RGSL1: variants seen among roughly 807,000 people sequenced by gnomAD.
The protein encoded by RGSL1 is regulator of G protein signaling like 1.
In RGSL1, 97 loss-of-function variants were observed where a neutral mutation model predicts 124.7. That is an observed-to-expected ratio of 0.78 (90% CI 0.66 to 0.92). The LOEUF is 0.92. Among genes scored for constraint, RGSL1 ranks in the 40% least tolerant of loss-of-function variants. The pLI, the probability that RGSL1 is intolerant of heterozygous loss-of-function variation, is 0.00. For missense variants in RGSL1, 1,233 were observed against 1,288.4 expected (o/e 0.96, Z 0.66); for synonymous variants, 424 against 438.1 (o/e 0.97, Z 0.40).
intron 10 of RGSL1, among the ~76,000 whole-genome samples, chr1:182,526,235 A>G (rs938634554): frequency 3.3e-5 from 5 of 152,226 alleles, no homozygotes; most frequent in Admixed American, 1.3e-4. Context: ...AACTTATTCT[A>G]TGAGGCCAGT....
Position 182,474,498 on chromosome 1 carries a change from G to T in RGSL1, c.1387G>T (p.Asp463Tyr), listed in dbSNP as rs761874156. ...CCTGAAGGAACTATTGCCCTCTGGG[G>T]ATGTGATCCCCTGGATTCCCAAAGC... ...QGLKELLPSG[D>Y]VIPWIPKAQK... The change falls in exon 6 of 22, where the codon GAT becomes TAT. Residue 463 changes from aspartate (D) to tyrosine (Y), a missense_variant. By Grantham distance (160) the Asp-to-Tyr change is radical. Transcript: ENST00000294854. The T allele has an allele frequency of 5.1e-5, 79 of 1,549,918 alleles. No individual in the cohort carries two copies. Among genetic ancestry groups the T allele is most frequent in the Non-Finnish European group, 6.5e-5 (74 of 1,145,656 alleles).
chr1:182,516,422 T>A (rs765341464), intron 9 of RGSL1, among the ~76,000 whole-genome samples: 1 of 152,228 alleles, frequency 6.6e-6, no homozygotes, highest in Non-Finnish European at 1.5e-5. Flanking sequence ...CACCTTTTAA[T>A]TGCAGGATTG....
chr1:182,448,210 G>A (rs911543534), upstream of RGSL1: 2 of 151,312 alleles, frequency 1.3e-5, no homozygotes, highest in African/African-American at 2.5e-5. Flanking sequence ...TTGTTTGTTT[G>A]TTTGTTTGTT....
intron 4 of RGSL1, among the ~76,000 whole-genome samples, chr1:182,466,114 C>T (rs568038296): frequency 2.7e-5 from 4 of 150,152 alleles, no homozygotes; most frequent in South Asian, 4.2e-4. Context: ...AAATACAACA[C>T]CCTTTCATGA....
chr1:182,488,518 A>G (rs1655264362), intron 7 of RGSL1, 171 bp downstream of exon 7: 2 of 646,138 alleles, frequency 3.1e-6, no homozygotes, highest in Admixed American at 2.8e-5. Flanking sequence ...CTCAAGGAAA[A>G]GGACTCAGTG....
At chr1:182,459,923 T>G (rs1652669809) in intron 3 of RGSL1, 81 bp from the exon 4 acceptor site, 19 of 1,487,402 alleles carry the variant, frequency 1.3e-5, no homozygotes, top group Non-Finnish European at 1.7e-5. Context: ...GTGAGGTGAT[T>G]AGTTGCCACT....
At chr1:182,459,656 G>A (rs1009526322) in intron 3 of RGSL1, among the ~76,000 whole-genome samples, 1 of 152,166 alleles carries the variant, frequency 6.6e-6, no homozygotes, top group Non-Finnish European at 1.5e-5. Flanking sequence ...ATAGAGTTAT[G>A]ATCTGACACC....
chr1:182,460,274 A>G (rs1267286441), intron 4 of RGSL1, 141 bp downstream of exon 4: 19 of 1,200,976 alleles, frequency 1.6e-5, no homozygotes, highest in Non-Finnish European at 2.1e-5. Context: ...ACACTTCATA[A>G]TGATCTTATG....
Position 182,517,494 on chromosome 1 carries a change from C to T in RGSL1, c.1826-4510C>T, listed in dbSNP as rs546897379. On this transcript the variant is annotated intron_variant, in intron 9 of 21. Coordinates refer to ENST00000294854, the MANE Select transcript of RGSL1 (RefSeq NM_001137669.2). Reference sequence around the variant, plus strand: ...CCCTTGCTCTTGCTCGACTTCCTCTCAAACACCAGTAATTTGATTTTCTCT... The same window carrying T: ...CCCTTGCTCTTGCTCGACTTCCTCTTAAACACCAGTAATTTGATTTTCTCT... Among the ~76,000 whole-genome samples, 6 of 152,052 alleles carry T rather than the reference C, an allele frequency of 3.9e-5. No homozygotes were observed. The South Asian group carries it at 1.2e-3, about 31-fold the overall frequency.
In RGSL1 at chr1:182,532,792, G is replaced by C. The variant is rs544462689; in HGVS notation, c.2494+1G>C. Reference sequence around the variant, plus strand: ...CAGGAAATGCAAAATAGCAAGGAAAGTAAGTCATTTCTGTATTTACCCCCA... The same window carrying C: ...CAGGAAATGCAAAATAGCAAGGAAACTAAGTCATTTCTGTATTTACCCCCA... On this transcript the variant is annotated splice_donor_variant, in intron 14 of 21. Transcript: ENST00000294854. LOFTEE classifies it high-confidence loss of function. 1.3e-6 allele frequency: 2 copies of C among 1,549,788 alleles called. No individual in the cohort carries two copies. The highest frequency in any genetic ancestry group is 3.9e-5 in the Admixed American group (2 of 50,948).
At chr1:182,456,539 C>T (rs140764582) in intron 2 of RGSL1, among the ~76,000 whole-genome samples, 149 of 152,294 alleles carry the variant, frequency 9.8e-4, no homozygotes, top group Middle Eastern at 3.4e-3. Context: ...CTCAGATGAT[C>T]CGCCTGCCTC....
chr1:182,489,822 G>A (rs1655387110), intron 8 of RGSL1, among the ~76,000 whole-genome samples: 1 of 152,152 alleles, frequency 6.6e-6, no homozygotes, highest in African/African-American at 2.4e-5. Context: ...ACTTGTGCAG[G>A]TGACCTGAGA....
intron 18 of RGSL1, 111 bp from the exon 19 acceptor site, chr1:182,553,344 C>T (rs1006648737): frequency 2.7e-6 from 2 of 750,644 alleles, no homozygotes; most frequent in African/African-American, 1.8e-5. Context: ...TTATCATTAA[C>T]ATTTTGTAAT....
At chr1:182,554,749 G>A in intron 20 of RGSL1, 56 bp downstream of exon 20, 1 of 1,499,928 alleles carries the variant, frequency 6.7e-7, no homozygotes, top group South Asian at 1.2e-5. Flanking sequence ...GTCCAAGCAT[G>A]CAATAGGAGA....
chr1:182,558,158 C>A (rs1191933664), intron 21 of RGSL1, among the ~76,000 whole-genome samples: 1 of 152,226 alleles, frequency 6.6e-6, no homozygotes, highest in Non-Finnish European at 1.5e-5. Flanking sequence ...AGGGACAAGA[C>A]TGACCCACAG....
At chr1:182,532,006 C>A (rs1312936502) in intron 13 of RGSL1, among the ~76,000 whole-genome samples, 1 of 152,152 alleles carries the variant, frequency 6.6e-6, no homozygotes, top group African/African-American at 2.4e-5. Flanking sequence ...TACTTCACTG[C>A]TTTCTGTCTA....
Position 182,459,997 on chromosome 1 carries a change from A to G in RGSL1, c.172-7A>G, listed in dbSNP as rs762008515. On this transcript the variant is annotated splice_region_variant and splice_polypyrimidine_tract_variant and intron_variant, in intron 3 of 21. Coordinates refer to ENST00000294854, the MANE Select transcript of RGSL1 (RefSeq NM_001137669.2). ...GCATTTTTGTTTCTATTTTGCTTTGACTCTAGATTGCCAAATACAAAGGGT... is the reference window on the plus strand; with the variant it reads ...GCATTTTTGTTTCTATTTTGCTTTGGCTCTAGATTGCCAAATACAAAGGGT... 1.8e-5 allele frequency: 28 copies of G among 1,548,874 alleles called. No homozygotes were observed. The South Asian group carries it at 3.2e-4, about 18-fold the overall frequency.
At chr1:182,541,812 A>G (rs1284957780) in intron 15 of RGSL1, among the ~76,000 whole-genome samples, 1 of 152,060 alleles carries the variant, frequency 6.6e-6, no homozygotes, top group Non-Finnish European at 1.5e-5. Flanking sequence ...TTTGACTTGC[A>G]TTTCTCTCAT....
intron 21 of RGSL1, among the ~76,000 whole-genome samples, chr1:182,558,546 A>C (rs1446195624): frequency 6.6e-6 from 1 of 152,132 alleles, no homozygotes; most frequent in Non-Finnish European, 1.5e-5. Context: ...TTCCTGGTTC[A>C]TTCAGGTTAT....
Sources: gnomAD v4.1 joint callset for allele counts (sites outside exome capture counted in the v4.1 genomes callset) on GRCh38, gnomAD v4.1.1 for gene constraint, MANE v1.5 for transcripts, NCBI Gene and HGNC (gene_info 2026-07-23, HGNC 2026-07-21) for gene names.